Variants in MYO16 observed in about 807,000 individuals in gnomAD.
MYO16 encodes the protein unconventional myosin-XVI.
Under a neutral mutation model 205.3 loss-of-function variants are expected in MYO16, and 94 were observed. The observed-to-expected ratio is 0.46, with a 90% CI of 0.39 to 0.54. The LOEUF (loss-of-function observed/expected upper bound fraction) is 0.54. MYO16 is among the 20% of genes least tolerant of loss of function. The probability of loss-of-function intolerance (pLI) is 0.00; values close to 1 mark genes in which losing one functional copy is unlikely to be tolerated. For missense variants in MYO16, 2,315 were observed against 2,387.5 expected, an observed-to-expected ratio of 0.97 and a Z score of 0.63; for synonymous variants, 988 against 954.0, an observed-to-expected ratio of 1.04 and a Z score of -0.66.
At chr13:108,571,140 AT>A in the MYO16 span, among the ~76,000 whole-genome samples, 1 of 151,988 alleles carries the variant, frequency 6.6e-6, no homozygotes, top group African/African-American at 2.4e-5. Context: ...TGCCATTATT[AT>A]TTTTTTCTTT....
At chr13:109,052,555 CA>C (rs1594504886) in intron 25 of MYO16, 80 bp downstream of exon 25, 12 of 1,073,398 alleles carry the variant, frequency 1.1e-5, no homozygotes, top group Non-Finnish European at 1.3e-5. Context: ...AAAAAAAGCA[CA>C]ATTTTAAATA....
chr13:108,578,916 C>T, the MYO16 span, among the ~76,000 whole-genome samples: 354 of 148,936 alleles, frequency 2.4e-3, 1 homozygote, highest in Non-Finnish European at 2.5e-3. Flanking sequence ...TGTATTATTA[C>T]ATATATTTAT....
intron 1 of MYO16, among the ~76,000 whole-genome samples, chr13:108,651,959 T>A (rs1881024565): frequency 1.3e-5 from 2 of 152,180 alleles, no homozygotes; most frequent in African/African-American, 2.4e-5. Context: ...GGGGTTATTT[T>A]TTTTAGGCTC....
intron 16 of MYO16, among the ~76,000 whole-genome samples, chr13:108,922,354 C>T (rs2139267370): frequency 6.6e-6 from 1 of 152,256 alleles, no homozygotes; most frequent in East Asian, 1.9e-4. Context: ...TTCTGTGTGT[C>T]CCTCATGGCA....
At chr13:108,644,035 C>A (rs546548371) in intron 1 of MYO16, among the ~76,000 whole-genome samples, 86 of 152,336 alleles carry the variant, frequency 5.6e-4, no homozygotes, top group African/African-American at 2.1e-3. Flanking sequence ...TCTGGGCTTT[C>A]TCCTTCCACT....
At chr13:109,103,290 C>G (rs1889027111) in intron 28 of MYO16, among the ~76,000 whole-genome samples, 2 of 152,090 alleles carry the variant, frequency 1.3e-5, no homozygotes, top group South Asian at 4.2e-4. Context: ...TTAATTAATA[C>G]AGGGATTCAA....
chr13:109,048,210 A>C (rs1338429868), intron 24 of MYO16: 1 of 536,426 alleles, frequency 1.9e-6, no homozygotes, highest in Non-Finnish European at 3.5e-6. Context: ...TGTATTTAGA[A>C]TGAAAATATG....
At chr13:108,502,102 A>G in the MYO16 span, among the ~76,000 whole-genome samples, 1 of 152,254 alleles carries the variant, frequency 6.6e-6, no homozygotes, top group Middle Eastern at 3.4e-3. Flanking sequence ...AGTCCCAGCT[A>G]CTCAGGAGGC....
At chr13:108,627,914 C>T (rs918040378), upstream of MYO16, among the ~76,000 whole-genome samples, 15 of 152,018 alleles carry the variant, frequency 9.9e-5, no homozygotes, top group Non-Finnish European at 1.9e-4. Context: ...ACTATTTATC[C>T]GGCATTGTAT....
intron 1 of MYO16, among the ~76,000 whole-genome samples, chr13:108,663,425 G>T (rs150731026): frequency 6.6e-6 from 1 of 151,920 alleles, no homozygotes; most frequent in East Asian, 1.9e-4. Flanking sequence ...GTCAAAATGC[G>T]CAATAAATTT....
chr13:108,984,060 G>A (rs1040519468), intron 20 of MYO16, among the ~76,000 whole-genome samples: 8 of 152,172 alleles, frequency 5.3e-5, no homozygotes, highest in Non-Finnish European at 2.9e-5. Flanking sequence ...GGCTCAGCCA[G>A]CAGCTGTACA....
At position 108,844,506 on chromosome 13, in the gene MYO16, T is replaced by C; in HGVS notation, c.1248+13T>C. On this transcript the variant is annotated intron_variant, in intron 10 of 34. Coordinates refer to ENST00000457511, the MANE Select transcript of MYO16 (RefSeq NM_001198950.3). Reference sequence around the variant, plus strand: ...CAAACCCGAGCAGGTAATCATGCTTTCACTGTGTGTCTACCAGTACTTTTT... The same window carrying C: ...CAAACCCGAGCAGGTAATCATGCTTCCACTGTGTGTCTACCAGTACTTTTT... The C allele has an allele frequency of 6.3e-7, 1 of 1,595,730 alleles. No individual in the cohort carries two copies. The highest frequency in any genetic ancestry group is 8.6e-7 in the Non-Finnish European group (1 of 1,168,442).
the MYO16 span, among the ~76,000 whole-genome samples, chr13:108,500,208 T>TG: frequency 2.4e-4 from 2 of 8,312 alleles, no homozygotes; most frequent in South Asian, 0.015. Context: ...TGATTCCTGT[T>TG]TTTTTTTTTT....
chr13:109,081,081 AACAC>A (rs1207570600), intron 27 of MYO16, among the ~76,000 whole-genome samples: 8 of 151,900 alleles, frequency 5.3e-5, no homozygotes, highest in Non-Finnish European at 1.0e-4. Flanking sequence ...ATTATAGATA[AACAC>A]ACATACATAG....
intron 9 of MYO16, among the ~76,000 whole-genome samples, chr13:108,837,145 C>T (rs1191582631): frequency 1.3e-5 from 2 of 152,070 alleles, no homozygotes; most frequent in Non-Finnish European, 2.9e-5. Flanking sequence ...AGGGTGGTTT[C>T]CCCCATGCTG....
chr13:108,825,503 CA>C (rs1876209411), intron 9 of MYO16, among the ~76,000 whole-genome samples: 1 of 151,830 alleles, frequency 6.6e-6, no homozygotes, highest in African/African-American at 2.4e-5. Context: ...AAGATGAGGA[CA>C]AAGGCAAGAG....
chr13:108,763,171 G>A (rs1566592843), intron 4 of MYO16, among the ~76,000 whole-genome samples: 1 of 152,170 alleles, frequency 6.6e-6, no homozygotes, highest in African/African-American at 2.4e-5. Context: ...GCTCTTGAGA[G>A]TACAGGAGTA....
At chr13:109,189,263 A>G (rs1879814730) in intron 34 of MYO16, among the ~76,000 whole-genome samples, 1 of 152,122 alleles carries the variant, frequency 6.6e-6, no homozygotes, top group African/African-American at 2.4e-5. Flanking sequence ...TGCCTCTCCC[A>G]GTCCACTGAC....
At chr13:109,085,044 A>G (rs533325242) in intron 27 of MYO16, among the ~76,000 whole-genome samples, 1 of 152,176 alleles carries the variant, frequency 6.6e-6, no homozygotes, top group African/African-American at 2.4e-5. Flanking sequence ...AAGCAGGTGC[A>G]GAAGTGCAGC....
Sources: gnomAD v4.1 joint callset for allele counts (sites outside exome capture counted in the v4.1 genomes callset) on GRCh38, gnomAD v4.1.1 for gene constraint, MANE v1.5 for transcripts, NCBI Gene and HGNC (gene_info 2026-07-23, HGNC 2026-07-21) for gene names.